Variants in ATP2C1 observed in about 807,000 individuals in gnomAD.
ATP2C1 encodes the protein calcium-transporting ATPase type 2C member 1.
A neutral mutation model predicts 120.5 loss-of-function variants in ATP2C1; 31 were observed. The observed-to-expected ratio is 0.26, with a 90% confidence interval of 0.19 to 0.35. ATP2C1 has a LOEUF of 0.35. Among genes scored for constraint, ATP2C1 ranks in the 10% least tolerant of loss-of-function variants. The probability of loss-of-function intolerance (pLI) is 1.00; values close to 1 mark genes in which losing one functional copy is unlikely to be tolerated. For missense variants in ATP2C1, 731 were observed against 1,107.5 expected (o/e 0.66, Z 4.83); for synonymous variants, 351 against 358.7 (o/e 0.98, Z 0.24).
At position 130,972,142 on chromosome 3, in the gene ATP2C1, A is replaced by G. The variant is rs142753186; in HGVS notation, c.1413+2746A>G. On this transcript the variant is annotated intron_variant, in intron 17 of 27. Coordinates refer to ENST00000510168, the MANE Select transcript of ATP2C1 (RefSeq NM_001378687.1). ...GGAGTGCACAACCTAGATCCCTTGCATGTGTAGTTCACGATAGGGTTCCTG... is the reference window on the plus strand; with the variant it reads ...GGAGTGCACAACCTAGATCCCTTGCGTGTGTAGTTCACGATAGGGTTCCTG... 2.3e-3 allele frequency among the ~76,000 whole-genome samples: 354 copies of G among 152,256 alleles called. 1 individual carries two copies. Among genetic ancestry groups the G allele is most frequent in the African/African-American group, 8.3e-3 (344 of 41,566 alleles).
downstream of ATP2C1, among the ~76,000 whole-genome samples, chr3:131,006,508 G>C (rs1221718764): frequency 6.6e-6 from 1 of 152,058 alleles, no homozygotes; most frequent in Admixed American, 6.6e-5. Context: ...GATCATTTTG[G>C]ACAGTGTTAC....
intron 2 of ATP2C1, among the ~76,000 whole-genome samples, chr3:130,910,089 C>A (rs574097065): frequency 6.6e-6 from 1 of 152,200 alleles, no homozygotes; most frequent in East Asian, 1.9e-4. Context: ...TGCCTCTTCT[C>A]GTTGATTCTG....
chr3:130,863,797 T>C (rs2068086709), intron 1 of ATP2C1, among the ~76,000 whole-genome samples: 1 of 152,248 alleles, frequency 6.6e-6, no homozygotes, highest in African/African-American at 2.4e-5. Flanking sequence ...TCATTTTCTC[T>C]TGCTGCTGCC....
At chr3:130,989,792 G>A (rs1161710542) in intron 20 of ATP2C1, among the ~76,000 whole-genome samples, 1 of 152,124 alleles carries the variant, frequency 6.6e-6, no homozygotes, top group Non-Finnish European at 1.5e-5. Flanking sequence ...AACTTATTTT[G>A]CAGCTTTTGC....
rs542527881 is a variant in ATP2C1 at position 130,938,533 on chromosome 3, T to A, written c.360+1070T>A. On this transcript the variant is annotated intron_variant, in intron 6 of 27. Coordinates refer to ENST00000510168, the MANE Select transcript of ATP2C1 (RefSeq NM_001378687.1). ...TGTTATTAGTTCTGTAGTAACCCAGTGTAGAAAGCCAGTTGGAATCAGATC... is the reference window on the plus strand; with the variant it reads ...TGTTATTAGTTCTGTAGTAACCCAGAGTAGAAAGCCAGTTGGAATCAGATC... Among the ~76,000 whole-genome samples the A allele has an allele frequency of 2.0e-5, 3 of 152,308 alleles. No homozygotes were observed. In the East Asian group the frequency reaches 5.8e-4, roughly 29 times the overall value.
At chr3:130,962,173 G>GA (rs2060850010) in intron 12 of ATP2C1, among the ~76,000 whole-genome samples, 2 of 151,910 alleles carry the variant, frequency 1.3e-5, no homozygotes, top group South Asian at 4.2e-4. Flanking sequence ...GCTGAAGGCT[G>GA]GTATGAATAT....
chr3:130,920,722 G>A (rs1330592023), intron 2 of ATP2C1, among the ~76,000 whole-genome samples: 1 of 152,138 alleles, frequency 6.6e-6, no homozygotes, highest in Non-Finnish European at 1.5e-5. Context: ...AAATACCACT[G>A]GAATTTTGAT....
chr3:130,995,437 C>A (rs1043090050), intron 22 of ATP2C1, among the ~76,000 whole-genome samples: 1 of 151,342 alleles, frequency 6.6e-6, no homozygotes, highest in Non-Finnish European at 1.5e-5. Context: ...AAAAGATAAT[C>A]ATTTTATGTA....
chr3:130,972,590 A>G (rs986234615), intron 17 of ATP2C1, among the ~76,000 whole-genome samples: 1 of 149,218 alleles, frequency 6.7e-6, no homozygotes, highest in Non-Finnish European at 1.5e-5. Flanking sequence ...ATCATTTAGC[A>G]TTAGGTATAT....
At chr3:130,963,889 A>G (rs2060937145) in intron 12 of ATP2C1, 82 bp from the exon 13 acceptor site, 7 of 1,574,524 alleles carry the variant, frequency 4.4e-6, no homozygotes. Flanking sequence ...CGTTTTATTA[A>G]GCTTTAAGTA....
intron 2 of ATP2C1, among the ~76,000 whole-genome samples, chr3:130,902,495 G>GTGTA (rs1324511784): frequency 2.0e-5 from 3 of 151,680 alleles, no homozygotes; most frequent in Non-Finnish European, 4.4e-5. Flanking sequence ...TAAACCCTTA[G>GTGTA]TGTAGATCAA....
chr3:130,947,487 T>A (rs1174552723), intron 8 of ATP2C1, among the ~76,000 whole-genome samples: 1 of 152,214 alleles, frequency 6.6e-6, no homozygotes, highest in African/African-American at 2.4e-5. Context: ...CTGAAATACA[T>A]GTGCCTATTC....
At chr3:130,923,637 G>A (rs1459906913) in intron 2 of ATP2C1, among the ~76,000 whole-genome samples, 1 of 152,020 alleles carries the variant, frequency 6.6e-6, no homozygotes, top group African/African-American at 2.4e-5. Flanking sequence ...GGAGGCATAG[G>A]TGGGTGGATT....
chr3:130,919,103 C>G (rs1319580526), intron 2 of ATP2C1: 1 of 419,660 alleles, frequency 2.4e-6, no homozygotes, highest in South Asian at 1.9e-5. Context: ...TTGTTTCCAC[C>G]TCTCCACGCA....
At chr3:130,893,778 G>A (rs864071), upstream of ATP2C1, among the ~76,000 whole-genome samples, 70,619 of 152,154 alleles carry the variant, frequency 0.46, 18,988 homozygotes, top group Non-Finnish European at 0.6. Context: ...TTCAGGGGGT[G>A]CATATAAACG....
chr3:131,015,287 TC>T lies in ATP2C1; in HGVS notation c.2630-859del, dbSNP rs544584514. ...ACAGCAAATAAAATAGACAAGCCCC[TC>T]CCCCCACAGAGTTTACATCTGAGTG... On this transcript the variant is annotated intron_variant, in intron 26 of 26. Transcript: ENST00000328560. 325 of 689,982 alleles carry T rather than the reference TC, an allele frequency of 4.7e-4. 2 individuals are homozygous for T. The South Asian group carries it at 4.9e-3, about 10-fold the overall frequency. The allele number at this position is 689,982 out of a possible 1,614,324, so 42.7% of individuals were successfully genotyped here. A position where few individuals can be genotyped will look rare whatever the true frequency, so the allele number is the denominator to read the frequency against.
intron 17 of ATP2C1, among the ~76,000 whole-genome samples, chr3:130,972,619 C>CG (rs1406107982): frequency 3.5e-5 from 4 of 115,690 alleles, no homozygotes; most frequent in Non-Finnish European, 7.0e-5. Flanking sequence ...GCTATCCCTC[C>CG]CCCTCCCCCC....
intron 2 of ATP2C1, chr3:130,919,071 G>A (rs2058820840): frequency 2.1e-6 from 1 of 486,064 alleles, no homozygotes. Flanking sequence ...CGTGGTGCAC[G>A]GCCCTCCCGC....
At chr3:130,879,120 A>G (rs1325469565) in intron 1 of ATP2C1, among the ~76,000 whole-genome samples, 1 of 152,148 alleles carries the variant, frequency 6.6e-6, no homozygotes, top group Admixed American at 6.6e-5. Flanking sequence ...CAATGGCACA[A>G]TCTTGGCTTA....
Sources: gnomAD v4.1 joint callset for allele counts (sites outside exome capture counted in the v4.1 genomes callset) on GRCh38, gnomAD v4.1.1 for gene constraint, MANE v1.5 for transcripts, NCBI Gene and HGNC (gene_info 2026-07-23, HGNC 2026-07-21) for gene names.